The following CACNA2D4 variants were observed in gnomAD, a reference collection of about 807,000 sequenced individuals.
CACNA2D4 encodes the protein voltage-dependent calcium channel subunit alpha-2/delta-4.
Under a neutral mutation model 163.8 loss-of-function variants are expected in CACNA2D4, and 157 were observed. That is an observed-to-expected ratio of 0.96 (90% CI 0.84 to 1.09). The LOEUF is 1.09. CACNA2D4 is among the 50% of genes least tolerant of loss of function. The probability of loss-of-function intolerance (pLI) is 0.00; values close to 1 mark genes in which losing one functional copy is unlikely to be tolerated. For missense variants in CACNA2D4, 1,410 were observed against 1,479.9 expected, an observed-to-expected ratio of 0.95 and a Z score of 0.78; for synonymous variants, 598 against 586.9, an observed-to-expected ratio of 1.02 and a Z score of -0.27.
chr12:1,905,952 A>C (rs955390250), intron 6 of CACNA2D4, among the ~76,000 whole-genome samples: 4 of 152,202 alleles, frequency 2.6e-5, no homozygotes, highest in Non-Finnish European at 5.9e-5. Flanking sequence ...ACAGTAATCA[A>C]AACAGCATGG....
intron 4 of CACNA2D4, among the ~76,000 whole-genome samples, chr12:1,908,804 A>T (rs57296286): frequency 0.016 from 296 of 18,692 alleles, 1 homozygote; most frequent in African/African-American, 0.042. Flanking sequence ...CACGCCGGAC[A>T]GCGTTATGGA....
chr12:1,853,869 CA>C, intron 23 of CACNA2D4, 81 bp downstream of exon 23: 2 of 1,083,778 alleles, frequency 1.8e-6, no homozygotes, highest in Non-Finnish European at 2.8e-6. Flanking sequence ...AGCCACCAGC[CA>C]GATGGTGAGA....
At chr12:1,865,864 G>A (rs1206035319) in intron 18 of CACNA2D4, among the ~76,000 whole-genome samples, 1 of 152,214 alleles carries the variant, frequency 6.6e-6, no homozygotes, top group Non-Finnish European at 1.5e-5. Context: ...TTATAAAATC[G>A]TGTTCTCTGA....
intron 27 of CACNA2D4, 22 bp from the exon 28 acceptor site, chr12:1,810,609 G>A (rs1267153451): frequency 1.3e-6 from 2 of 1,552,172 alleles, no homozygotes; most frequent in East Asian, 2.4e-5. Flanking sequence ...AGGAGAGACT[G>A]AATGTGGACA....
chr12:1,907,725 G>T, intron 5 of CACNA2D4, 150 bp downstream of exon 5: 1 of 1,169,198 alleles, frequency 8.6e-7, no homozygotes. Flanking sequence ...TGGACGGCCT[G>T]GTGGGCGTGC....
At chr12:1,900,603 C>A (rs995148765) in intron 6 of CACNA2D4, among the ~76,000 whole-genome samples, 2 of 152,082 alleles carry the variant, frequency 1.3e-5, no homozygotes, top group Admixed American at 1.3e-4. Context: ...AATTCCATTC[C>A]TTGAATGTCA....
At position 1,798,209 on chromosome 12, in the gene CACNA2D4, C is replaced by G. The variant is rs1379548525; in HGVS notation, c.2996-674G>C. 1.3e-5 allele frequency among the ~76,000 whole-genome samples: 2 copies of G among 152,212 alleles called. No individual in the cohort carries two copies. The highest frequency in any genetic ancestry group is 4.8e-5 in the African/African-American group (2 of 41,454). ...AGGCGAGTGCCTCAGCCCCGCTCTG[C>G]AGGACCCGAGTCCGTTCCCTCCCGG... On this transcript the variant is annotated intron_variant, in intron 34 of 37. Coordinates refer to ENST00000382722, the MANE Select transcript of CACNA2D4 (RefSeq NM_172364.5). This position sits in a 1 kb window ranked among gnomAD's most constrained non-coding sequence, Gnocchi z 4.3.
intron 26 of CACNA2D4, among the ~76,000 whole-genome samples, chr12:1,823,430 T>C (rs1389059504): frequency 6.6e-6 from 1 of 152,134 alleles, no homozygotes; most frequent in Non-Finnish European, 1.5e-5. Context: ...GGCTGTTCCG[T>C]GCTCTGAGGG....
chr12:1,848,762 A>AATT (rs146412961), intron 23 of CACNA2D4, among the ~76,000 whole-genome samples: 5,487 of 147,336 alleles, frequency 0.037, 254 homozygotes, highest in African/African-American at 0.11. Context: ...AACCCATTGC[A>AATT]ATTATTATTA....
At chr12:1,887,836 T>C (rs148221591) in intron 6 of CACNA2D4, among the ~76,000 whole-genome samples, 2 of 152,296 alleles carry the variant, frequency 1.3e-5, no homozygotes, top group South Asian at 2.1e-4. Context: ...TATGTTGTGA[T>C]TGGGATAGAC....
intron 26 of CACNA2D4, among the ~76,000 whole-genome samples, chr12:1,815,979 G>A (rs1207578173): frequency 1.3e-5 from 2 of 152,140 alleles, no homozygotes; most frequent in Non-Finnish European, 2.9e-5. Context: ...GTGAGTCAAC[G>A]GTGTTCTGCC....
At chr12:1,902,935 G>T (rs1381135227) in intron 6 of CACNA2D4, among the ~76,000 whole-genome samples, 2 of 152,042 alleles carry the variant, frequency 1.3e-5, no homozygotes, top group East Asian at 3.8e-4. Flanking sequence ...GAACAAAACT[G>T]GAGGAGTAAC....
At chr12:1,868,488 T>G (rs1865702122) in intron 18 of CACNA2D4, among the ~76,000 whole-genome samples, 1 of 151,212 alleles carries the variant, frequency 6.6e-6, no homozygotes, top group African/African-American at 2.4e-5. Context: ...TGAGAAAACG[T>G]TGGTCAAAAG....
At position 1,795,697 on chromosome 12, in the gene CACNA2D4, G is replaced by T; in HGVS notation, c.3197C>A (p.Pro1066Gln). The change falls in exon 36 of 38, where the codon CCA becomes CAA. Residue 1066 changes from proline (P) to glutamine (Q), a missense_variant. Transcript: ENST00000382722. Reference protein sequence around the residue: ...DPTCDCSIFPPVLQEATEVKY... With the variant: ...DPTCDCSIFPQVLQEATEVKY... Reference sequence around the variant, plus strand: ...GACTTCTGTCGCCTCCTGCAGCACTGGTGGGAAGATGCTGCAGTCACAGGT... The same window carrying T: ...GACTTCTGTCGCCTCCTGCAGCACTTGTGGGAAGATGCTGCAGTCACAGGT... 6.2e-7 allele frequency: 1 copy of T among 1,612,502 alleles called. No homozygotes were observed. Among genetic ancestry groups the T allele is most frequent in the Non-Finnish European group, 8.5e-7 (1 of 1,178,654 alleles).
intron 31 of CACNA2D4, 108 bp downstream of exon 31, chr12:1,800,935 G>A: frequency 3.0e-6 from 3 of 1,001,926 alleles, no homozygotes; most frequent in Non-Finnish European, 4.6e-6. Flanking sequence ...TAGGGCCCTG[G>A]GGCCAGACAC....
intron 20 of CACNA2D4, among the ~76,000 whole-genome samples, chr12:1,857,586 C>T (rs1271803012): frequency 1.3e-5 from 2 of 152,124 alleles, no homozygotes; most frequent in Non-Finnish European, 2.9e-5. Flanking sequence ...CAGAAAGTGG[C>T]CACCTCTTCC....
At position 1,792,548 on chromosome 12, in the gene CACNA2D4, C is replaced by G. The variant is rs1300601478; in HGVS notation, c.*1107G>C. ...TGAGGCCGGCCTCTCCCACATTTCT[C>G]CATGGCTTTGCCCTTAATGTTGCTC... On this transcript the variant is annotated 3_prime_UTR_variant, in exon 38 of 38. Transcript: ENST00000382722. The G allele has an allele frequency of 1.3e-5, 2 of 152,200 alleles. No individual in the cohort carries two copies. The highest frequency in any genetic ancestry group is 1.5e-5 in the Non-Finnish European group (1 of 68,092). The allele number at this position is 152,200 out of a possible 1,614,324, so 9.4% of individuals were successfully genotyped here.
In CACNA2D4 at chr12:1,795,384, G is replaced by T; in HGVS notation, c.3227-3C>A. ...GTCACATTTGACAGAGGCATTATGT[G>T]CAGAAGCCACTGTTAAGGTCAATAT... On this transcript the variant is annotated splice_region_variant and splice_polypyrimidine_tract_variant and intron_variant, in intron 36 of 37. Transcript: ENST00000382722. 1.2e-6 allele frequency: 2 copies of T among 1,609,064 alleles called. No individual in the cohort carries two copies. Among genetic ancestry groups the T allele is most frequent in the Non-Finnish European group, 1.7e-6 (2 of 1,179,396 alleles).
intron 25 of CACNA2D4, 25 bp from the exon 26 acceptor site, chr12:1,840,844 C>A (rs1353884613): frequency 2.8e-6 from 4 of 1,434,986 alleles, no homozygotes; most frequent in Non-Finnish European, 2.8e-6. Flanking sequence ...ACAACCCAGT[C>A]ATGGGGAAGA....
Sources: gnomAD v4.1 joint callset for allele counts (sites outside exome capture counted in the v4.1 genomes callset) on GRCh38, gnomAD v4.1.1 for gene constraint, Gnocchi (gnomAD v3.1) non-coding constraint, MANE v1.5 for transcripts, NCBI Gene and HGNC (gene_info 2026-07-23, HGNC 2026-07-21) for gene names.